The following KCNAB1 variants were observed in gnomAD, a reference collection of about 807,000 sequenced individuals.
The protein encoded by KCNAB1 is voltage-gated potassium channel subunit beta-1.
KCNAB1 carries 35 observed loss-of-function variants against 64.6 expected under a neutral mutation model. The ratio of observed to expected loss-of-function variants is 0.54; its 90% CI spans 0.41 to 0.72. The LOEUF (loss-of-function observed/expected upper bound fraction) is 0.72, where lower values mean the gene tolerates loss of function less well. Among genes scored for constraint, KCNAB1 ranks in the 30% least tolerant of loss-of-function variants. The pLI is 0.00. For missense variants in KCNAB1, 401 were observed against 512.9 expected (o/e 0.78, Z 2.11); for synonymous variants, 177 against 183.8 (o/e 0.96, Z 0.30).
At chr3:156,311,189 C>A (rs1476978710) in intron 1 of KCNAB1, among the ~76,000 whole-genome samples, 1 of 152,094 alleles carries the variant, frequency 6.6e-6, no homozygotes, top group Non-Finnish European at 1.5e-5. Flanking sequence ...AGGGCTGAAT[C>A]TTAGAACGTG....
chr3:156,148,310 G>A (rs981984216), intron 1 of KCNAB1, among the ~76,000 whole-genome samples: 2 of 152,144 alleles, frequency 1.3e-5, no homozygotes, highest in Admixed American at 6.5e-5. Context: ...TCAAAATTGT[G>A]CATCATGACC....
chr3:156,393,483 C>G (rs1713196849), intron 1 of KCNAB1, among the ~76,000 whole-genome samples: 1 of 152,144 alleles, frequency 6.6e-6, no homozygotes, highest in Admixed American at 6.6e-5. Flanking sequence ...TAATCCAACC[C>G]CTAGCAATGA....
At chr3:156,143,266 T>C in intron 1 of KCNAB1, 1 of 1,613,974 alleles carries the variant, frequency 6.2e-7, no homozygotes, top group East Asian at 2.2e-5. Flanking sequence ...AAAATGTAGA[T>C]GGCACCTAGC....
At chr3:156,458,655 A>G (rs973263440) in intron 4 of KCNAB1, among the ~76,000 whole-genome samples, 1 of 152,208 alleles carries the variant, frequency 6.6e-6, no homozygotes, top group African/African-American at 2.4e-5. Context: ...GAGAGAAAGT[A>G]AAGGTTATAT....
At chr3:156,141,256 A>G (rs556210502) in intron 1 of KCNAB1, among the ~76,000 whole-genome samples, 53 of 152,066 alleles carry the variant, frequency 3.5e-4, no homozygotes, top group Non-Finnish European at 7.2e-4. Flanking sequence ...TTCCAATATT[A>G]TATGCACTCA....
intron 1 of KCNAB1, among the ~76,000 whole-genome samples, chr3:156,279,928 T>A (rs1315051917): frequency 1.3e-5 from 2 of 149,838 alleles, no homozygotes; most frequent in Admixed American, 6.6e-5. Context: ...GCCTGTTCAC[T>A]CTGATGGTAG....
At chr3:156,473,574 T>C (rs1012345344) in intron 7 of KCNAB1, among the ~76,000 whole-genome samples, 2 of 152,180 alleles carry the variant, frequency 1.3e-5, no homozygotes, top group Non-Finnish European at 2.9e-5. Context: ...CCTAATCTCT[T>C]CATCAAAGCT....
intron 1 of KCNAB1, among the ~76,000 whole-genome samples, chr3:156,153,360 C>G (rs1383306014): frequency 6.6e-6 from 1 of 152,218 alleles, no homozygotes; most frequent in African/African-American, 2.4e-5. Context: ...TCATGCTCAT[C>G]ATGGCATAGC....
intron 1 of KCNAB1, among the ~76,000 whole-genome samples, chr3:156,171,187 G>GCGCACA (rs1553812697): frequency 2.7e-4 from 38 of 142,816 alleles, no homozygotes; most frequent in African/African-American, 7.7e-4. Context: ...GAAACTTCAC[G>GCGCACA]CACACATACA....
intron 1 of KCNAB1, among the ~76,000 whole-genome samples, chr3:156,167,913 G>A (rs4234310): frequency 0.63 from 95,794 of 151,934 alleles, 30,769 homozygotes; most frequent in East Asian, 0.93. Flanking sequence ...TATATGTTTG[G>A]AAGTCCTGGC....
At chr3:156,290,777 C>T (rs960662474) in intron 1 of KCNAB1, among the ~76,000 whole-genome samples, 2 of 152,198 alleles carry the variant, frequency 1.3e-5, no homozygotes, top group African/African-American at 4.8e-5. Flanking sequence ...TGCTGCCCCT[C>T]CCCCATCCCA....
chr3:156,306,139 A>T (rs529415199), intron 1 of KCNAB1, among the ~76,000 whole-genome samples: 1 of 152,350 alleles, frequency 6.6e-6, no homozygotes, highest in South Asian at 2.1e-4. Flanking sequence ...GTTAGTATTG[A>T]TCAATTAAAA....
intron 1 of KCNAB1, among the ~76,000 whole-genome samples, chr3:156,339,977 C>T (rs984687422): frequency 1.3e-5 from 2 of 152,186 alleles, no homozygotes; most frequent in African/African-American, 4.8e-5. Flanking sequence ...ACTTCTCTCT[C>T]AAGATGATCA....
intron 1 of KCNAB1, among the ~76,000 whole-genome samples, chr3:156,359,369 G>A (rs952664884): frequency 2.0e-5 from 3 of 152,062 alleles, no homozygotes; most frequent in South Asian, 2.1e-4. Flanking sequence ...GAGGCCAAAC[G>A]TCCATGAGTT....
chr3:156,430,529 C>G (rs1716132383), intron 2 of KCNAB1, among the ~76,000 whole-genome samples: 1 of 152,176 alleles, frequency 6.6e-6, no homozygotes, highest in South Asian at 2.1e-4. Context: ...AAGACGATCT[C>G]ACTAAACATC....
chr3:156,527,588 A>G lies in KCNAB1; in HGVS notation c.1081+3641A>G, dbSNP rs528676154. On this transcript the variant is annotated intron_variant, in intron 12 of 13. Transcript: ENST00000490337. ...TTTACAAGATTTAGACTCTTACTAG[A>G]TATTAGATATACATGAAATGCCTTC... 5.0e-4 allele frequency among the ~76,000 whole-genome samples: 76 copies of G among 152,332 alleles called. 1 individual carries two copies. The highest frequency in any genetic ancestry group is 1.8e-3 in the African/African-American group (74 of 41,582).
intron 1 of KCNAB1, among the ~76,000 whole-genome samples, chr3:156,354,122 A>ATATATATATATATATATATATATGTG (rs1560212826): frequency 5.8e-5 from 4 of 69,556 alleles, no homozygotes; most frequent in Non-Finnish European, 1.2e-4. Context: ...GTGTGTGTGT[A>ATATATATATATATATATATATATGTG]TATATATATA....
chr3:156,218,217 C>T (rs1560141759), intron 1 of KCNAB1, among the ~76,000 whole-genome samples: 1 of 152,156 alleles, frequency 6.6e-6, no homozygotes, highest in African/African-American at 2.4e-5. Context: ...CCAGTGACTG[C>T]TGGCTTTTCC....
intron 1 of KCNAB1, among the ~76,000 whole-genome samples, chr3:156,290,336 T>G (rs1243378461): frequency 6.6e-6 from 1 of 152,228 alleles, no homozygotes; most frequent in Non-Finnish European, 1.5e-5. Flanking sequence ...GAAATATTGT[T>G]GCGTTAAATA....
Sources: gnomAD v4.1 joint callset for allele counts (sites outside exome capture counted in the v4.1 genomes callset) on GRCh38, gnomAD v4.1.1 for gene constraint, MANE v1.5 for transcripts, NCBI Gene and HGNC (gene_info 2026-07-23, HGNC 2026-07-21) for gene names.